The following NFATC3 variants were observed in gnomAD, a reference collection of about 807,000 sequenced individuals.
The protein encoded by NFATC3 is nuclear factor of activated T-cells, cytoplasmic 3.
In NFATC3, 46 loss-of-function variants were observed where a neutral mutation model predicts 98.6. The ratio of observed to expected loss-of-function variants is 0.47; its 90% CI spans 0.37 to 0.60. The LOEUF (loss-of-function observed/expected upper bound fraction) is 0.60, where lower values mean the gene tolerates loss of function less well. Among genes scored for constraint, NFATC3 ranks in the 20% least tolerant of loss-of-function variants. The pLI, the probability that NFATC3 is intolerant of heterozygous loss-of-function variation, is 0.00. For synonymous variants in NFATC3, 512 were observed against 472.2 expected (o/e 1.08, Z -1.09); for missense variants, 1,256 against 1,295.5 (o/e 0.97, Z 0.47).
chr16:68,223,772 G>A (rs2041947181), intron 9 of NFATC3, among the ~76,000 whole-genome samples: 1 of 151,420 alleles, frequency 6.6e-6, no homozygotes, highest in South Asian at 2.1e-4. Flanking sequence ...GCGGGCACCT[G>A]TAATCCTAGC....
chr16:68,097,537 G>C (rs977826115), intron 1 of NFATC3, among the ~76,000 whole-genome samples: 3 of 152,180 alleles, frequency 2.0e-5, no homozygotes, highest in African/African-American at 7.2e-5. Flanking sequence ...TGAAGTCACT[G>C]CAACAGAGTG....
intron 2 of NFATC3, among the ~76,000 whole-genome samples, chr16:68,125,606 A>G (rs1241019486): frequency 6.6e-6 from 1 of 152,162 alleles, no homozygotes; most frequent in East Asian, 1.9e-4. Context: ...GGGAAGTGAT[A>G]ACTTCAGTAG....
chr16:68,119,025 G>A (rs1271359644), intron 1 of NFATC3, among the ~76,000 whole-genome samples: 1 of 151,974 alleles, frequency 6.6e-6, no homozygotes, highest in Non-Finnish European at 1.5e-5. Flanking sequence ...CTGCCACCAC[G>A]CCCGGCTAAT....
chr16:68,157,833 G>T (rs368007528), intron 3 of NFATC3, 36 bp from the exon 4 acceptor site: 3 of 1,551,974 alleles, frequency 1.9e-6, no homozygotes, highest in African/African-American at 2.7e-5. Context: ...CATGGATAAT[G>T]AATTGTGCTT....
At chr16:68,212,688 T>C (rs1359371792) in intron 9 of NFATC3, 1 of 152,046 alleles carries the variant, frequency 6.6e-6, no homozygotes, top group Non-Finnish European at 1.5e-5. Context: ...AAAAAATACA[T>C]ACATATACAA....
At chr16:68,170,963 C>T (rs543065950) in intron 5 of NFATC3, among the ~76,000 whole-genome samples, 6 of 152,248 alleles carry the variant, frequency 3.9e-5, no homozygotes, top group South Asian at 4.1e-4. Flanking sequence ...TTATTTTCAT[C>T]ACGCAAGTAG....
At chr16:68,209,746 C>A in intron 9 of NFATC3, 1 of 474,464 alleles carries the variant, frequency 2.1e-6, no homozygotes. Context: ...GGGGAAACCC[C>A]GTAAAGTGGT....
At chr16:68,129,659 G>A (rs974520249) in intron 3 of NFATC3, among the ~76,000 whole-genome samples, 2 of 146,678 alleles carry the variant, frequency 1.4e-5, no homozygotes, top group African/African-American at 2.5e-5. Flanking sequence ...CACCTTGCCC[G>A]CTGCTCCCCG....
At chr16:68,164,203 C>T (rs2039068855) in intron 4 of NFATC3, among the ~76,000 whole-genome samples, 1 of 152,222 alleles carries the variant, frequency 6.6e-6, no homozygotes, top group African/African-American at 2.4e-5. Context: ...AGCTGGAGAC[C>T]AGCCCGGCCA....
chr16:68,174,480 A>C lies in NFATC3; in HGVS notation c.1881A>C (p.Pro627=). The change falls in exon 6 of 10, where the codon CCA becomes CCC. Residue 627 remains proline, a synonymous_variant. Transcript: ENST00000346183. ...TTGTGACTGGATCTAATTTTCTTCC[A>C]GAATCCAAAATCATTTTTCTTGAAA... ...EMVVTGSNFL[P]ESKIIFLEKG... is the part of the protein sequence containing the mutation. The C allele has an allele frequency of 6.2e-7, 1 of 1,604,150 alleles. No homozygotes were observed. Among genetic ancestry groups the C allele is most frequent in the Non-Finnish European group, 8.5e-7 (1 of 1,175,756 alleles).
intron 3 of NFATC3, among the ~76,000 whole-genome samples, chr16:68,141,680 AT>A (rs879144056): frequency 6.6e-6 from 1 of 151,624 alleles, no homozygotes; most frequent in African/African-American, 2.4e-5. Flanking sequence ...TTTCTTGCTG[AT>A]TTGAGTTCCT....
At chr16:68,116,956 G>A (rs2036310140) in intron 1 of NFATC3, among the ~76,000 whole-genome samples, 1 of 152,180 alleles carries the variant, frequency 6.6e-6, no homozygotes, top group South Asian at 2.1e-4. Flanking sequence ...ACTTCAAGGT[G>A]CTATATATAC....
Position 68,191,196 on chromosome 16 carries a change from A to T in NFATC3, c.2527A>T (p.Asn843Tyr). 1 of 1,614,146 alleles carries T rather than the reference A, an allele frequency of 6.2e-7. No individual in the cohort carries two copies. The highest frequency in any genetic ancestry group is 8.5e-7 in the Non-Finnish European group (1 of 1,180,030). The change falls in exon 9 of 10, where the codon AAT becomes TAT. Residue 843 changes from asparagine (N) to tyrosine (Y), a missense_variant. Physicochemically the swap from Asn to Tyr is moderately radical, Grantham distance 143. This residue lies in a region of NFATC3 where 636 missense variants were observed against 617.3 expected (regional missense o/e 1.03). Transcript: ENST00000346183. ...QQDATLSGLV[N>Y]LGCQPLSSIP... is the part of the protein sequence containing the mutation. Reference sequence around the variant, plus strand: ...GGATGCAACTCTTTCTGGTTTAGTGAATCTTGGCTGTCAACCACTGTCATC... The same window carrying T: ...GGATGCAACTCTTTCTGGTTTAGTGTATCTTGGCTGTCAACCACTGTCATC...
intron 9 of NFATC3, among the ~76,000 whole-genome samples, chr16:68,198,240 C>T (rs2040756009): frequency 6.6e-6 from 1 of 152,106 alleles, no homozygotes; most frequent in Non-Finnish European, 1.5e-5. Flanking sequence ...ATTGCTTGAG[C>T]CCAGGAGGTC....
intron 1 of NFATC3, among the ~76,000 whole-genome samples, chr16:68,120,832 G>T (rs552083602): frequency 3.9e-5 from 6 of 152,186 alleles, no homozygotes; most frequent in South Asian, 2.1e-4. Flanking sequence ...GATAATGCAG[G>T]TTGTTATGTT....
intron 1 of NFATC3, among the ~76,000 whole-genome samples, chr16:68,098,139 G>A (rs2035117367): frequency 6.6e-6 from 1 of 151,654 alleles, no homozygotes; most frequent in Non-Finnish European, 1.5e-5. Flanking sequence ...CCAGGTTTTG[G>A]CTGTTACAAA....
intron 5 of NFATC3, among the ~76,000 whole-genome samples, chr16:68,172,740 A>G (rs1052680875): frequency 6.6e-6 from 1 of 152,176 alleles, no homozygotes; most frequent in Non-Finnish European, 1.5e-5. Flanking sequence ...TGATCATGCC[A>G]TTGCACTTCA....
chr16:68,096,972 T>TGAA (rs1463807927), intron 1 of NFATC3, among the ~76,000 whole-genome samples: 1 of 152,184 alleles, frequency 6.6e-6, no homozygotes, highest in East Asian at 1.9e-4. Context: ...GGTAATAGAT[T>TGAA]GAAGAAGACA....
At chr16:68,215,971 G>A (rs564607601) in intron 9 of NFATC3, among the ~76,000 whole-genome samples, 3 of 152,016 alleles carry the variant, frequency 2.0e-5, no homozygotes, top group Non-Finnish European at 4.4e-5. Context: ...CTCGTGATCC[G>A]CCCACCTTGG....
Sources: gnomAD v4.1 joint callset for allele counts (sites outside exome capture counted in the v4.1 genomes callset) on GRCh38, gnomAD v4.1.1 for gene constraint, gnomAD v4.1.1 regional missense constraint, MANE v1.5 for transcripts, NCBI Gene and HGNC (gene_info 2026-07-23, HGNC 2026-07-21) for gene names.